RNF19A: variants seen among roughly 807,000 people sequenced by gnomAD.
RNF19A encodes the protein ring finger protein 19A, RBR E3 ubiquitin protein ligase, also known as E3 ubiquitin-protein ligase RNF19A.
RNF19A carries 32 observed loss-of-function variants against 75.7 expected under a neutral mutation model. The ratio of observed to expected loss-of-function variants is 0.42; its 90% CI spans 0.32 to 0.57. The LOEUF is 0.57. Among genes scored for constraint, RNF19A ranks in the 20% least tolerant of loss-of-function variants. The probability of loss-of-function intolerance (pLI) is 0.10; values close to 1 mark genes in which losing one functional copy is unlikely to be tolerated. For synonymous variants in RNF19A, 335 were observed against 345.2 expected, an observed-to-expected ratio of 0.97 and a Z score of 0.33; for missense variants, 782 against 1,036.3, an observed-to-expected ratio of 0.75 and a Z score of 3.37.
rs1433116293 is a variant in RNF19A, at chr8:100,271,912, G to A, written c.884-1899C>T. ...TTCCCCAAGAATCAATTAAGCCACC[G>A]TTCCCCGATATGAAAAAGCTTCCCA... On this transcript the variant is annotated intron_variant, in intron 3 of 9. Coordinates refer to ENST00000341084, the MANE Select transcript of RNF19A (RefSeq NM_183419.4). Among the ~76,000 whole-genome samples the A allele has an allele frequency of 2.6e-5, 4 of 152,016 alleles. No individual in the cohort carries two copies. The East Asian group carries it at 5.8e-4, about 22-fold the overall frequency.
rs1822643594 is a variant in RNF19A, at chr8:100,333,998, C to A, written c.-243+2110G>T. The stretch of plus-strand genomic sequence containing the variant: ...TTTACTACTACTGCCCAATAAACAT[C>A]CTCCACCCTAGTTGGACTGGTCTGT... On this transcript the variant is annotated intron_variant, in intron 1 of 3. Transcript: ENST00000519527. The surrounding 1 kb of genome is among the most constrained non-coding windows in gnomAD (Gnocchi z 4.7). 6.6e-6 allele frequency among the ~76,000 whole-genome samples: 1 copy of A among 152,212 alleles called. No individual in the cohort carries two copies. The highest frequency in any genetic ancestry group is 1.5e-5 in the Non-Finnish European group (1 of 68,038).
intron 1 of RNF19A, among the ~76,000 whole-genome samples, chr8:100,299,179 C>A (rs1042163215): frequency 6.6e-6 from 1 of 152,106 alleles, no homozygotes; most frequent in South Asian, 2.1e-4. Context: ...TTTCCATATT[C>A]GAAAACTAAG....
At chr8:100,285,031 C>T (rs1016529481) in intron 2 of RNF19A, among the ~76,000 whole-genome samples, 4 of 152,086 alleles carry the variant, frequency 2.6e-5, no homozygotes, top group Admixed American at 2.6e-4. Context: ...AAGAGGTAAC[C>T]AATAAAACCA....
chr8:100,315,918 C>A (rs1468004881), intron 1 of RNF19A, among the ~76,000 whole-genome samples: 1 of 152,178 alleles, frequency 6.6e-6, no homozygotes, highest in Non-Finnish European at 1.5e-5. Flanking sequence ...CCAGGTAATT[C>A]ATATCACATG....
At chr8:100,279,337 C>T (rs188906467) in intron 2 of RNF19A, among the ~76,000 whole-genome samples, 144 of 152,050 alleles carry the variant, frequency 9.5e-4, no homozygotes, top group African/African-American at 3.1e-3. Context: ...TGCATTACCA[C>T]GTCAAACATT....
At chr8:100,267,802 G>A (rs888499670) in intron 5 of RNF19A, among the ~76,000 whole-genome samples, 2 of 150,928 alleles carry the variant, frequency 1.3e-5, no homozygotes, top group African/African-American at 2.4e-5. Context: ...TCAGCCTCCC[G>A]AGTCTGGGAT....
At chr8:100,266,265 G>A (rs955739011) in intron 5 of RNF19A, among the ~76,000 whole-genome samples, 2 of 152,118 alleles carry the variant, frequency 1.3e-5, no homozygotes, top group African/African-American at 4.8e-5. Flanking sequence ...TTATTTCAAT[G>A]GAAAACTAAT....
At chr8:100,313,380 A>G (rs1822328976), upstream of RNF19A, 4 of 945,228 alleles carry the variant, frequency 4.2e-6, no homozygotes, top group Non-Finnish European at 5.0e-6. Context: ...ATTCTATAAG[A>G]CAAGAAGAAG....
rs1822477221 is a variant in RNF19A, at chr8:100,322,465, G to A, written c.-242-9093C>T. Reference sequence around the variant, plus strand: ...AGGGCCTTGCCCTGGATTAGGCTTTGGCTTAAGGTTTAATCTTCTATTCAG... The same window carrying A: ...AGGGCCTTGCCCTGGATTAGGCTTTAGCTTAAGGTTTAATCTTCTATTCAG... On this transcript the variant is annotated intron_variant, in intron 1 of 3. Transcript: ENST00000519527. The surrounding 1 kb of genome is among the most constrained non-coding windows in gnomAD (Gnocchi z 5.1). Among the ~76,000 whole-genome samples the A allele has an allele frequency of 6.6e-6, 1 of 152,206 alleles. No homozygotes were observed. Among genetic ancestry groups the A allele is most frequent in the Non-Finnish European group, 1.5e-5 (1 of 68,036 alleles).
At chr8:100,294,223 G>A (rs572537764) in intron 1 of RNF19A, among the ~76,000 whole-genome samples, 67 of 152,264 alleles carry the variant, frequency 4.4e-4, no homozygotes, top group African/African-American at 1.5e-3. Flanking sequence ...TGAAGAGTGA[G>A]GACTTTTATT....
intron 1 of RNF19A, among the ~76,000 whole-genome samples, chr8:100,315,652 G>A (rs945867857): frequency 6.6e-6 from 1 of 151,792 alleles, no homozygotes; most frequent in African/African-American, 2.4e-5. Context: ...TCGTCGTCTT[G>A]TTGTTGTTGT....
rs554776093 is a variant in RNF19A at position 100,300,758 on chromosome 8, T to C, written c.-94+9109A>G. ...ACTATTAAATTAGATGTATCAGATA[T>C]TTAACTAGTCAACTCCTGGGAGACA... On this transcript the variant is annotated intron_variant, in intron 1 of 9. Transcript: ENST00000341084. 3.9e-5 allele frequency: 6 copies of C among 152,342 alleles called. No homozygotes were observed. The East Asian group carries it at 1.2e-3, about 29-fold the overall frequency. The allele number at this position is 152,342 out of a possible 1,614,324, so 9.4% of individuals were successfully genotyped here.
chr8:100,315,091 T>A lies in RNF19A; in HGVS notation c.-242-1719A>T, dbSNP rs537094720. On this transcript the variant is annotated intron_variant, in intron 1 of 3. Transcript: ENST00000519527. ...TTGGGAGGCTGAGGCAAGCAGATGATTTGGGCCTAGGCAACATGACAAAAC... is the reference window on the plus strand; with the variant it reads ...TTGGGAGGCTGAGGCAAGCAGATGAATTGGGCCTAGGCAACATGACAAAAC... 9.9e-5 allele frequency among the ~76,000 whole-genome samples: 15 copies of A among 152,118 alleles called. No individual in the cohort carries two copies. In the East Asian group the frequency reaches 1.7e-3, roughly 18 times the overall value.
rs1821068792 is a variant in RNF19A, at chr8:100,287,290, G to A, written c.674+211C>T. On this transcript the variant is annotated intron_variant, in intron 2 of 9. Coordinates refer to ENST00000341084, the MANE Select transcript of RNF19A (RefSeq NM_183419.4). This position sits in a 1 kb window ranked among gnomAD's most constrained non-coding sequence, Gnocchi z 4.1. ...TACCCTTTCCTTCTAAAAGTGCTCA[G>A]TGAGTATGTAACGCAGAGACGATAT... Among the ~76,000 whole-genome samples, 1 of 152,150 alleles carries A rather than the reference G, an allele frequency of 6.6e-6. No homozygotes were observed. Among genetic ancestry groups the A allele is most frequent in the African/African-American group, 2.4e-5 (1 of 41,426 alleles).
At chr8:100,306,418 A>C (rs1822063814) in intron 1 of RNF19A, among the ~76,000 whole-genome samples, 1 of 152,212 alleles carries the variant, frequency 6.6e-6, no homozygotes, top group South Asian at 2.1e-4. Flanking sequence ...GATTTATAAA[A>C]TAAAATACTA....
intron 1 of RNF19A, among the ~76,000 whole-genome samples, chr8:100,304,555 T>G (rs1191210842): frequency 2.0e-5 from 3 of 152,224 alleles, no homozygotes; most frequent in African/African-American, 7.2e-5. Context: ...TGACCTTATT[T>G]CATGATTTTA....
In RNF19A at chr8:100,258,769, C is replaced by G. The variant is rs201246497; in HGVS notation, c.2304G>C (p.Leu768=). The change falls in exon 10 of 10, where the codon CTG becomes CTC. Residue 768 remains leucine, a synonymous_variant. Transcript: ENST00000341084. This position sits in a 1 kb window ranked among gnomAD's most constrained non-coding sequence, Gnocchi z 4.3. ...NILPEVENDR[L]ENSPHQCSIS... is the part of the protein sequence containing the mutation. ...TGCTACACTGATGTGGGGAATTTTC[C>G]AGACGGTCATTTTCTACCTCAGGAA... The G allele has an allele frequency of 7.4e-5, 120 of 1,614,164 alleles. No homozygotes were observed. The highest frequency in any genetic ancestry group is 9.1e-5 in the Non-Finnish European group (107 of 1,180,018).
chr8:100,291,395 C>T (rs1278817573), intron 1 of RNF19A, among the ~76,000 whole-genome samples: 1 of 152,204 alleles, frequency 6.6e-6, no homozygotes, highest in East Asian at 1.9e-4. Context: ...GATCCTTAAG[C>T]CATACGGCCT....
chr8:100,292,364 C>T (rs988024247), intron 1 of RNF19A, among the ~76,000 whole-genome samples: 70 of 150,876 alleles, frequency 4.6e-4, no homozygotes, highest in African/African-American at 1.5e-3. Context: ...TGTTTATATC[C>T]TGCTGCAGCA....
Sources: allele counts gnomAD v4.1 joint callset (sites outside exome capture counted in the v4.1 genomes callset), GRCh38; gene constraint gnomAD v4.1.1; non-coding constraint Gnocchi (gnomAD v3.1); transcripts MANE v1.5; gene names NCBI Gene and HGNC (gene_info 2026-07-23, HGNC 2026-07-21).